CAPN5: variants seen among roughly 807,000 people sequenced by gnomAD.
The protein encoded by CAPN5 is calpain 5, also known as calpain-5.
A neutral mutation model predicts 73.0 loss-of-function variants in CAPN5; 54 were observed. The ratio of observed to expected loss-of-function variants is 0.74; its 90% CI spans 0.59 to 0.93. The LOEUF (loss-of-function observed/expected upper bound fraction) is 0.93. Among genes scored for constraint, CAPN5 ranks in the 40% least tolerant of loss-of-function variants. CAPN5 has a pLI of 0.00. For synonymous variants in CAPN5, 335 were observed against 356.9 expected, an observed-to-expected ratio of 0.94 and a Z score of 0.69; for missense variants, 785 against 882.9, an observed-to-expected ratio of 0.89 and a Z score of 1.41.
In CAPN5 at chr11:77,120,856, C is replaced by T. The variant is rs782322389; in HGVS notation, c.1434C>T (p.Gly478=). The stretch of plus-strand genomic sequence containing the variant: ...TCATCCCCACAACCTTCGAGCCAGG[C>T]CACACTGGCGAGTTCCTGCTCCGAG... ...YVIIPTTFEP[G]HTGEFLLRVF... Residue 478 remains glycine, a synonymous_variant, in exon 10 of 13, where the codon GGC becomes GGT. Coordinates refer to ENST00000648180, the MANE Select transcript of CAPN5 (RefSeq NM_004055.5). 2.5e-6 allele frequency: 4 copies of T among 1,614,034 alleles called. No individual in the cohort carries two copies. In the East Asian group the frequency reaches 8.9e-5, roughly 36 times the overall value.
Position 77,115,541 on chromosome 11 carries a change from G to A in CAPN5, c.846G>A (p.Leu282=), listed in dbSNP as rs1555041580. The stretch of plus-strand genomic sequence containing the variant: ...CAGAGAAGTTGGACATGATCCGCCT[G>A]CGCAACCCCTGGGGCGAGCGGGAGT... ...FKSEKLDMIR[L]RNPWGEREWN... The change falls in exon 6 of 13, where the codon CTG becomes CTA. Residue 282 remains leucine, a synonymous_variant. Transcript: ENST00000648180. 1 of 1,613,076 alleles carries A rather than the reference G, an allele frequency of 6.2e-7. No individual in the cohort carries two copies. The highest frequency in any genetic ancestry group is 1.1e-5 in the South Asian group (1 of 91,026).
At chr11:77,075,608 C>T (rs1216831025) in intron 1 of CAPN5, among the ~76,000 whole-genome samples, 1 of 152,242 alleles carries the variant, frequency 6.6e-6, no homozygotes, top group East Asian at 1.9e-4. Flanking sequence ...CTGTGAAGGG[C>T]CCGGATCTGC....
chr11:77,112,551 C>G, intron 3 of CAPN5, 38 bp from the exon 4 acceptor site: 2 of 1,522,780 alleles, frequency 1.3e-6, no homozygotes, highest in Non-Finnish European at 1.8e-6. Context: ...CATCCCCTCA[C>G]TGTGTTCCCC....
At chr11:77,069,570 T>C (rs1242358457) in intron 1 of CAPN5, among the ~76,000 whole-genome samples, 2 of 152,040 alleles carry the variant, frequency 1.3e-5, no homozygotes, top group Non-Finnish European at 1.5e-5. Context: ...GAGTACAGCA[T>C]GTAAAGGTTG....
intron 3 of CAPN5, among the ~76,000 whole-genome samples, chr11:77,104,337 G>C (rs1339479169): frequency 6.6e-6 from 1 of 152,214 alleles, no homozygotes; most frequent in Non-Finnish European, 1.5e-5. Context: ...GAGCTTGCAG[G>C]TCAGGGAAGG....
At chr11:77,088,310 C>T (rs1950111849) in intron 2 of CAPN5, among the ~76,000 whole-genome samples, 1 of 152,170 alleles carries the variant, frequency 6.6e-6, no homozygotes, top group Non-Finnish European at 1.5e-5. Flanking sequence ...CTGGAGATGG[C>T]CCTACTCCTC....
chr11:77,098,269 G>A (rs1420754366), intron 3 of CAPN5, among the ~76,000 whole-genome samples: 1 of 102,116 alleles, frequency 9.8e-6, no homozygotes, highest in Non-Finnish European at 2.0e-5. Flanking sequence ...CGTCTGGCCG[G>A]GCGGGGGGCT....
intron 1 of CAPN5, among the ~76,000 whole-genome samples, chr11:77,076,134 G>C (rs1427024885): frequency 6.6e-6 from 1 of 151,650 alleles, no homozygotes; most frequent in Non-Finnish European, 1.5e-5. Flanking sequence ...GGCCAAGGCA[G>C]GCAGATCACT....
chr11:77,110,354 A>G (rs1450956826), intron 3 of CAPN5, among the ~76,000 whole-genome samples: 2 of 152,102 alleles, frequency 1.3e-5, no homozygotes, highest in African/African-American at 4.8e-5. Flanking sequence ...CTCCCATGAG[A>G]CGTGTTTTTG....
intron 1 of CAPN5, among the ~76,000 whole-genome samples, chr11:77,081,064 C>A (rs920868097): frequency 4.6e-5 from 7 of 152,150 alleles, no homozygotes; most frequent in Non-Finnish European, 7.4e-5. Flanking sequence ...TACCAGTGAG[C>A]CTTCCCTGGA....
chr11:77,087,914 AG>A (rs1351193511), intron 2 of CAPN5: 1 of 1,535,496 alleles, frequency 6.5e-7, no homozygotes, highest in African/African-American at 1.4e-5. Flanking sequence ...CTTCACCCAC[AG>A]GCTCGCTATG....
In CAPN5 at chr11:77,067,781, G is replaced by C. The variant is rs986608097; in HGVS notation, c.-36+687G>C. ...GGGGTCTCGGAAGACTGGCCTAGGG[G>C]ACCAGAGGCGAAATAGGACAAAAGA... On this transcript the variant is annotated intron_variant, in intron 1 of 12. Coordinates refer to ENST00000648180, the MANE Select transcript of CAPN5 (RefSeq NM_004055.5). Among the ~76,000 whole-genome samples, 27 of 151,882 alleles carry C rather than the reference G, an allele frequency of 1.8e-4. 1 individual carries two copies. The highest frequency in any genetic ancestry group is 7.4e-5 in the Non-Finnish European group (5 of 67,990).
intron 2 of CAPN5, among the ~76,000 whole-genome samples, chr11:77,085,791 C>T (rs1465953392): frequency 1.3e-5 from 2 of 152,092 alleles, no homozygotes; most frequent in Admixed American, 1.3e-4. Context: ...GTCTGTGGGT[C>T]CTGCAGAATG....
intron 3 of CAPN5, among the ~76,000 whole-genome samples, chr11:77,097,489 T>TTTA (rs869143993): frequency 7.4e-5 from 10 of 135,334 alleles, no homozygotes; most frequent in East Asian, 6.1e-4. Flanking sequence ...TTTTTTTTTT[T>TTTA]ATTGATAATT....
At chr11:77,093,893 C>G in intron 3 of CAPN5, 80 bp downstream of exon 3, 1 of 1,549,292 alleles carries the variant, frequency 6.5e-7, no homozygotes, top group Non-Finnish European at 8.7e-7. Flanking sequence ...CAGGCGGAAC[C>G]TGATTGTGGC....
intron 2 of CAPN5, among the ~76,000 whole-genome samples, chr11:77,085,852 T>C (rs1950080230): frequency 6.6e-6 from 1 of 152,160 alleles, no homozygotes; most frequent in East Asian, 1.9e-4. Flanking sequence ...TTACTCTCCC[T>C]GGCCTCCAGG....
intron 1 of CAPN5, among the ~76,000 whole-genome samples, chr11:77,075,507 G>A (rs1949960261): frequency 6.6e-6 from 1 of 152,122 alleles, no homozygotes; most frequent in East Asian, 1.9e-4. Flanking sequence ...GCTAGTGCTC[G>A]GACCCAGCCT....
chr11:77,096,291 C>A lies in CAPN5; in HGVS notation c.297+2478C>A, dbSNP rs148915639. ...CACAGCAAGCCACCCTTACCCCTCA[C>A]AGGATTCGAAGCCAGCCTGACCTGG... On this transcript the variant is annotated intron_variant, in intron 3 of 12. Transcript: ENST00000648180. Among the ~76,000 whole-genome samples, 820 of 152,332 alleles carry A rather than the reference C, an allele frequency of 5.4e-3. 4 individuals are homozygous for A. The highest frequency in any genetic ancestry group is 9.2e-3 in the Non-Finnish European group (629 of 68,032).
At chr11:77,114,524 C>T (rs1950447381) in intron 5 of CAPN5, 90 bp downstream of exon 5, 2 of 1,220,302 alleles carry the variant, frequency 1.6e-6, no homozygotes, top group South Asian at 2.6e-5. Flanking sequence ...ACGCTCAGGT[C>T]AGCTCCTACG....
Sources: allele counts gnomAD v4.1 joint callset (sites outside exome capture counted in the v4.1 genomes callset), GRCh38; gene constraint gnomAD v4.1.1; transcripts MANE v1.5; gene names NCBI Gene and HGNC (gene_info 2026-07-23, HGNC 2026-07-21).